The following UBXN7 variants were observed in gnomAD, a reference collection of about 807,000 sequenced individuals.
UBXN7 encodes UBX domain protein 7.
In UBXN7, 9 loss-of-function variants were observed where a neutral mutation model predicts 58.0. The ratio of observed to expected loss-of-function variants is 0.16; its 90% CI spans 0.09 to 0.27. UBXN7 has a LOEUF of 0.27. Ranked by LOEUF, UBXN7 falls within the 10% of genes least tolerant of loss-of-function variation. The probability of loss-of-function intolerance (pLI) is 1.00; values close to 1 mark genes in which losing one functional copy is unlikely to be tolerated. For synonymous variants in UBXN7, 208 were observed against 205.0 expected, an observed-to-expected ratio of 1.01 and a Z score of -0.12; for missense variants, 328 against 599.6, an observed-to-expected ratio of 0.55 and a Z score of 4.73.
chr3:196,385,639 G>A (rs1333770214), intron 5 of UBXN7, among the ~76,000 whole-genome samples: 2 of 151,146 alleles, frequency 1.3e-5, no homozygotes, highest in African/African-American at 4.9e-5. Flanking sequence ...GAGGTGAGGA[G>A]CCTCTCTGAC....
rs539023641 is a variant in UBXN7, at chr3:196,420,498, TC to T, written c.73+11828del. Among the ~76,000 whole-genome samples the T allele has an allele frequency of 3.0e-3, 452 of 150,040 alleles. 4 individuals carry two copies. The highest frequency in any genetic ancestry group is 0.011 in the African/African-American group (436 of 40,616). On this transcript the variant is annotated intron_variant, in intron 1 of 10. Coordinates refer to ENST00000296328, the MANE Select transcript of UBXN7 (RefSeq NM_015562.2). ...GTGAGCCAAGATTGCGCCATTGCAC[TC>T]CAGCCTGGGTGACAGAGCGAGACTC... is the stretch of plus-strand genomic sequence containing the variant.
intron 3 of UBXN7, among the ~76,000 whole-genome samples, chr3:196,398,342 C>A (rs1729842538): frequency 6.6e-6 from 1 of 152,130 alleles, no homozygotes; most frequent in African/African-American, 2.4e-5. Flanking sequence ...AATTTTGGAA[C>A]AATTTTTCAC....
intron 3 of UBXN7, among the ~76,000 whole-genome samples, chr3:196,394,153 T>C (rs1433234437): frequency 6.6e-6 from 1 of 151,924 alleles, no homozygotes; most frequent in Non-Finnish European, 1.5e-5. Context: ...CCAGGCGTGA[T>C]GGTGCATGCC....
intron 1 of UBXN7, chr3:196,423,509 A>G: frequency 4.9e-6 from 1 of 204,364 alleles, no homozygotes; most frequent in Non-Finnish European, 1.0e-5. Context: ...CCTGACCATT[A>G]GGTGCCAGCT....
chr3:196,400,774 C>CAA (rs879484507), intron 3 of UBXN7: 3 of 339,056 alleles, frequency 8.8e-6, no homozygotes, highest in African/African-American at 4.4e-5. Context: ...GTGGGGCTTC[C>CAA]AAATGGAATT....
chr3:196,429,318 C>T (rs111766837), intron 1 of UBXN7, among the ~76,000 whole-genome samples: 1,918 of 150,262 alleles, frequency 0.013, 44 homozygotes, highest in African/African-American at 0.045. Flanking sequence ...CAGAGCGAGA[C>T]TCCGTCTCAA....
chr3:196,353,886 A>C lies in UBXN7; in HGVS notation c.*2799T>G, dbSNP rs1430765791. 1 of 148,142 alleles carries C rather than the reference A, an allele frequency of 6.8e-6. No individual in the cohort carries two copies. The highest frequency in any genetic ancestry group is 1.5e-5 in the Non-Finnish European group (1 of 67,062). The allele number at this position is 148,142 out of a possible 1,614,324, so 9.2% of individuals were successfully genotyped here. ...CCTCCCTAGCTTTTTTTTTTTAAAC[A>C]CTCCTTTCAAGCTGTGTCCAACACC... On this transcript the variant is annotated 3_prime_UTR_variant, in exon 11 of 11. Transcript: ENST00000296328.
chr3:196,374,918 G>GGAA (rs1553850237), intron 5 of UBXN7, among the ~76,000 whole-genome samples: 1 of 5,674 alleles, frequency 1.8e-4, no homozygotes, highest in African/African-American at 6.6e-4. Context: ...GGAGGGGGAG[G>GGAA]GGGAGGGGAA....
intron 8 of UBXN7, among the ~76,000 whole-genome samples, chr3:196,363,173 G>C (rs1254345371): frequency 6.6e-6 from 1 of 151,378 alleles, no homozygotes; most frequent in African/African-American, 2.4e-5. Context: ...AAAGTGCTGG[G>C]ATTACAGGCG....
rs978804522 is a variant in UBXN7 at position 196,412,079 on chromosome 3, A to G, written c.74-4686T>C. Reference sequence around the variant, plus strand: ...CCCCGTCTTCTACTAAAAATACAAAATCAGCCAGGCGTGGTGGCAGGTGCC... The same window carrying G: ...CCCCGTCTTCTACTAAAAATACAAAGTCAGCCAGGCGTGGTGGCAGGTGCC... On this transcript the variant is annotated intron_variant, in intron 1 of 10. Coordinates refer to ENST00000296328, the MANE Select transcript of UBXN7 (RefSeq NM_015562.2). Among the ~76,000 whole-genome samples, 4 of 151,268 alleles carry G rather than the reference A, an allele frequency of 2.6e-5. No individual in the cohort carries two copies. In the South Asian group the frequency reaches 8.3e-4, roughly 32 times the overall value.
At chr3:196,377,305 T>C (rs1428175661) in intron 5 of UBXN7, among the ~76,000 whole-genome samples, 3 of 152,216 alleles carry the variant, frequency 2.0e-5, no homozygotes, top group Non-Finnish European at 4.4e-5. Flanking sequence ...GCTGGTCTTC[T>C]TGACGGTACC....
intron 5 of UBXN7, among the ~76,000 whole-genome samples, chr3:196,391,015 A>G (rs916480900): frequency 6.6e-6 from 1 of 152,200 alleles, no homozygotes; most frequent in Non-Finnish European, 1.5e-5. Context: ...TACTCTGGAA[A>G]GTTTTTGTTT....
intron 3 of UBXN7, among the ~76,000 whole-genome samples, chr3:196,394,656 AAAG>A (rs1462842450): frequency 2.0e-5 from 3 of 152,278 alleles, no homozygotes; most frequent in South Asian, 4.1e-4. Context: ...TATCAGGAAG[AAAG>A]AAGATTTTGA....
intron 4 of UBXN7, among the ~76,000 whole-genome samples, chr3:196,392,463 C>G (rs892257919): frequency 1.1e-4 from 16 of 151,672 alleles, no homozygotes; most frequent in Admixed American, 8.5e-4. Context: ...AGAGATCGCG[C>G]CACTGCACTC....
chr3:196,405,510 G>C (rs1730135280), intron 2 of UBXN7, among the ~76,000 whole-genome samples: 1 of 149,910 alleles, frequency 6.7e-6, no homozygotes, highest in African/African-American at 2.5e-5. Flanking sequence ...AAGAAAGAAA[G>C]AAAACTTTTA....
At chr3:196,408,747 T>C (rs991364863) in intron 1 of UBXN7, among the ~76,000 whole-genome samples, 1 of 152,234 alleles carries the variant, frequency 6.6e-6, no homozygotes, top group Non-Finnish European at 1.5e-5. Flanking sequence ...CAATGTCCTC[T>C]GGCTTCTGTT....
rs368917578 is a variant in UBXN7 at position 196,417,267 on chromosome 3, G to A, written c.74-9874C>T. Among the ~76,000 whole-genome samples the A allele has an allele frequency of 1.2e-4, 19 of 152,244 alleles. No individual in the cohort carries two copies. In the South Asian group the frequency reaches 1.4e-3, roughly 12 times the overall value. ...GCGGAGCTTGCAGTGAGCCGAGATC[G>A]CGCGACTGCACTCCAGCCTGGGAGA... On this transcript the variant is annotated intron_variant, in intron 1 of 10. Coordinates refer to ENST00000296328, the MANE Select transcript of UBXN7 (RefSeq NM_015562.2).
intron 5 of UBXN7, among the ~76,000 whole-genome samples, chr3:196,382,782 G>T (rs1358202986): frequency 5.9e-5 from 9 of 152,090 alleles, no homozygotes; most frequent in Admixed American, 5.9e-4. Context: ...CAAAATAAAG[G>T]GATGGAGGAA....
chr3:196,423,170 T>C (rs1730739799), intron 1 of UBXN7, among the ~76,000 whole-genome samples: 1 of 152,240 alleles, frequency 6.6e-6, no homozygotes, highest in Non-Finnish European at 1.5e-5. Flanking sequence ...AGTCACCACC[T>C]GGTCTGGGGA....
Sources: allele counts gnomAD v4.1 joint callset (sites outside exome capture counted in the v4.1 genomes callset), GRCh38; gene constraint gnomAD v4.1.1; transcripts MANE v1.5; gene names NCBI Gene and HGNC (gene_info 2026-07-23, HGNC 2026-07-21).